DNM3: variants seen among roughly 807,000 people sequenced by gnomAD.
The protein encoded by DNM3 is dynamin-3.
DNM3 carries 47 observed loss-of-function variants against 101.6 expected under a neutral mutation model. The ratio of observed to expected loss-of-function variants is 0.46; its 90% confidence interval spans 0.37 to 0.59. The LOEUF (loss-of-function observed/expected upper bound fraction) is 0.59, where lower values mean the gene tolerates loss of function less well. DNM3 is among the 20% of genes least tolerant of loss of function. The probability of loss-of-function intolerance (pLI) is 0.00; values close to 1 mark genes in which losing one functional copy is unlikely to be tolerated. For missense variants in DNM3, 849 were observed against 1,085.7 expected, an observed-to-expected ratio of 0.78 and a Z score of 3.06; for synonymous variants, 385 against 387.9, an observed-to-expected ratio of 0.99 and a Z score of 0.09.
chr1:171,906,419 C>T (rs376871562), intron 1 of DNM3, among the ~76,000 whole-genome samples: 34 of 152,066 alleles, frequency 2.2e-4, no homozygotes, highest in Admixed American at 1.1e-3. Context: ...TGAGCCACCA[C>T]GCCCTACCAA....
intron 4 of DNM3, among the ~76,000 whole-genome samples, chr1:171,995,872 T>C (rs1394717482): frequency 6.6e-6 from 1 of 152,126 alleles, no homozygotes; most frequent in Non-Finnish European, 1.5e-5. Flanking sequence ...TATCGTCTTC[T>C]GAGAGGTAGT....
At chr1:171,970,088 C>A (rs1409561069) in intron 2 of DNM3, 5 of 213,564 alleles carry the variant, frequency 2.3e-5, no homozygotes. Context: ...AAGATAAGCA[C>A]TTATTCTTAT....
intron 15 of DNM3, among the ~76,000 whole-genome samples, chr1:172,304,218 A>AAAAAAAAAAAAAAAAAAAAAAAAAAAC (rs1182798546): frequency 2.2e-5 from 3 of 135,102 alleles, no homozygotes; most frequent in Admixed American, 7.1e-5. Context: ...AAAAAAAAAA[A>AAAAAAAAAAAAAAAAAAAAAAAAAAAC]AAAACAGGAG....
In DNM3 at chr1:172,386,813, C is replaced by T. The variant is rs116484719; in HGVS notation, c.2059-320C>T. The stretch of plus-strand genomic sequence containing the variant: ...TACCTTCCCTCTTCTATAAGCCAAA[C>T]AGCTCCAGACAATATTGTGAAATGC... On this transcript the variant is annotated intron_variant, in intron 18 of 20. Coordinates refer to ENST00000627582, the MANE Select transcript of DNM3 (RefSeq NM_015569.5). 259 of 267,082 alleles carry T rather than the reference C, an allele frequency of 9.7e-4. 3 individuals carry two copies. The highest frequency in any genetic ancestry group is 5.3e-3 in the African/African-American group (246 of 46,436). The allele number at this position is 267,082 out of a possible 1,614,324, so 16.5% of individuals were successfully genotyped here.
At chr1:171,979,990 G>T (rs936584572) in intron 2 of DNM3, among the ~76,000 whole-genome samples, 1 of 152,052 alleles carries the variant, frequency 6.6e-6, no homozygotes, top group African/African-American at 2.4e-5. Flanking sequence ...TCTGTCTCCG[G>T]TCTGATACCT....
intron 17 of DNM3, among the ~76,000 whole-genome samples, chr1:172,326,209 A>G (rs750476020): frequency 7.9e-5 from 12 of 151,768 alleles, no homozygotes; most frequent in Non-Finnish European, 1.5e-4. Flanking sequence ...TGAAAAGCAC[A>G]TTTTCCTTTT....
intron 14 of DNM3, among the ~76,000 whole-genome samples, chr1:172,154,589 A>G (rs1204364580): frequency 6.6e-6 from 1 of 152,156 alleles, no homozygotes; most frequent in Non-Finnish European, 1.5e-5. Context: ...AAGCTGTTTA[A>G]AACTAAAGTG....
intron 15 of DNM3, among the ~76,000 whole-genome samples, chr1:172,281,498 T>G (rs2148786539): frequency 6.6e-6 from 1 of 152,290 alleles, no homozygotes; most frequent in African/African-American, 2.4e-5. Context: ...TATGGAGCTC[T>G]AATAGAAGGA....
chr1:171,842,002 G>A (rs2031283968), intron 1 of DNM3, among the ~76,000 whole-genome samples, 185 bp downstream of exon 1: 1 of 152,076 alleles, frequency 6.6e-6, no homozygotes, highest in Non-Finnish European at 1.5e-5. Flanking sequence ...CTCCAGCTCT[G>A]GGCATCCTCC....
At chr1:172,329,279 C>G (rs764885951) in intron 17 of DNM3, among the ~76,000 whole-genome samples, 9 of 151,368 alleles carry the variant, frequency 5.9e-5, no homozygotes, top group Non-Finnish European at 1.2e-4. Context: ...TATTGAATGT[C>G]TGGTAAAATA....
At chr1:171,950,184 T>C (rs2042426705) in intron 2 of DNM3, among the ~76,000 whole-genome samples, 1 of 152,018 alleles carries the variant, frequency 6.6e-6, no homozygotes, top group Non-Finnish European at 1.5e-5. Context: ...CTCAAAATAA[T>C]GATGCAGCGT....
chr1:172,151,870 T>A (rs2148233163), intron 14 of DNM3, among the ~76,000 whole-genome samples: 1 of 152,142 alleles, frequency 6.6e-6, no homozygotes, highest in South Asian at 2.1e-4. Flanking sequence ...GGATAAGTGG[T>A]ATAAAAGGAG....
At chr1:172,275,735 C>A (rs1316820396) in intron 15 of DNM3, among the ~76,000 whole-genome samples, 3 of 152,118 alleles carry the variant, frequency 2.0e-5, no homozygotes, top group South Asian at 2.1e-4. Context: ...CTTTGGAGAA[C>A]CTGGCTCCCA....
At chr1:172,164,275 T>C (rs1398933046) in intron 14 of DNM3, among the ~76,000 whole-genome samples, 25 of 140,820 alleles carry the variant, frequency 1.8e-4, no homozygotes, top group Admixed American at 7.5e-4. Flanking sequence ...CAAAATAATA[T>C]GACACAATCT....
chr1:171,880,092 T>C (rs9425462), intron 1 of DNM3, among the ~76,000 whole-genome samples: 65,041 of 152,016 alleles, frequency 0.43, 14,044 homozygotes, highest in African/African-American at 0.44. Flanking sequence ...AGAAGGCAAA[T>C]ATGGAGATTG....
At chr1:172,234,798 T>C (rs573309951) in intron 14 of DNM3, among the ~76,000 whole-genome samples, 1 of 152,176 alleles carries the variant, frequency 6.6e-6, no homozygotes, top group African/African-American at 2.4e-5. Flanking sequence ...GCTAGCCATA[T>C]GTAGAAAGCT....
chr1:171,883,495 G>A (rs1000187140), intron 1 of DNM3, among the ~76,000 whole-genome samples: 23 of 147,064 alleles, frequency 1.6e-4, no homozygotes, highest in African/African-American at 5.6e-4. Flanking sequence ...TTTTTGAGAT[G>A]GAGTCTCACT....
At chr1:172,005,217 T>C (rs948630970) in intron 4 of DNM3, among the ~76,000 whole-genome samples, 17 of 152,156 alleles carry the variant, frequency 1.1e-4, no homozygotes, top group African/African-American at 4.1e-4. Context: ...TTTAGGACTG[T>C]TTTGATATTA....
rs531827847 is a variant in DNM3, at chr1:172,253,527, C to G, written c.1660-46C>G. The G allele has an allele frequency of 4.0e-4, 471 of 1,187,212 alleles. 2 individuals are homozygous for G. Among genetic ancestry groups the G allele is most frequent in the Middle Eastern group, 2.8e-3 (13 of 4,594 alleles). The allele number at this position is 1,187,212 out of a possible 1,614,324, so 73.5% of individuals were successfully genotyped here. A position where few individuals can be genotyped will look rare whatever the true frequency, so the allele number is the denominator to read the frequency against. ...CTCCTCTCCTCTCCTCTCCTCTCCTCTCCTCTCCTCTCCTCTCCCTCTTTT... is the reference window on the plus strand; with the variant it reads ...CTCCTCTCCTCTCCTCTCCTCTCCTGTCCTCTCCTCTCCTCTCCCTCTTTT... On this transcript the variant is annotated intron_variant, in intron 14 of 20. Transcript: ENST00000627582.
Sources: gnomAD v4.1 joint callset for allele counts (sites outside exome capture counted in the v4.1 genomes callset) on GRCh38, gnomAD v4.1.1 for gene constraint, MANE v1.5 for transcripts, NCBI Gene and HGNC (gene_info 2026-07-23, HGNC 2026-07-21) for gene names.